Variants in LRP10 observed in about 807,000 individuals in gnomAD.
LRP10 encodes low-density lipoprotein receptor-related protein 10.
LRP10 carries 42 observed loss-of-function variants against 58.5 expected under a neutral mutation model. The observed-to-expected ratio is 0.72, with a 90% CI of 0.56 to 0.93. The LOEUF is 0.93. Among genes scored for constraint, LRP10 ranks in the 40% least tolerant of loss-of-function variants. The probability of loss-of-function intolerance (pLI) is 0.00; values close to 1 mark genes in which losing one functional copy is unlikely to be tolerated. For missense variants in LRP10, 872 were observed against 940.1 expected, an observed-to-expected ratio of 0.93 and a Z score of 0.95; for synonymous variants, 377 against 388.5, an observed-to-expected ratio of 0.97 and a Z score of 0.35.
Position 22,879,057 on chromosome 14 carries a change from G to T in LRP10, c.*1530G>T, listed in dbSNP as rs528681683. 22 of 388,340 alleles carry T rather than the reference G, an allele frequency of 5.7e-5. 1 individual carries two copies. Among genetic ancestry groups the T allele is most frequent in the South Asian group, 2.7e-4 (15 of 55,518 alleles). The allele number at this position is 388,340 out of a possible 1,614,324, so 24.1% of individuals were successfully genotyped here. ...TCCTTGTCTAGCCCCACACCTGGCAGAGCCTGTCACCCAGCCTAGCCCCAC... is the reference window on the plus strand; with the variant it reads ...TCCTTGTCTAGCCCCACACCTGGCATAGCCTGTCACCCAGCCTAGCCCCAC... On this transcript the variant is annotated 3_prime_UTR_variant, in exon 7 of 7. Transcript: ENST00000359591.
chr14:22,872,108 G>A lies in LRP10; in HGVS notation c.-196G>A. The A allele has an allele frequency of 1.6e-6, 1 of 613,674 alleles. No homozygotes were observed. Among genetic ancestry groups the A allele is most frequent in the Non-Finnish European group, 2.9e-6 (1 of 345,078 alleles). The allele number at this position is 613,674 out of a possible 1,614,324, so 38.0% of individuals were successfully genotyped here. On this transcript the variant is annotated 5_prime_UTR_variant, in exon 1 of 7. Transcript: ENST00000359591. ...AAAACAACTCCAAAGTTGGCGAAAG[G>A]CACCGCCCCTACTCCCGGGCTGCCG...
intron 1 of LRP10, 41 bp downstream of exon 1, chr14:22,872,378 C>T (rs559395516): frequency 6.2e-7 from 1 of 1,613,160 alleles, no homozygotes. Flanking sequence ...CTTCTGTCAC[C>T]GGGCCAGCAG....
In LRP10 at chr14:22,876,926, T is replaced by C. The variant is rs1480547035; in HGVS notation, c.1555-14T>C. 1 of 1,581,304 alleles carries C rather than the reference T, an allele frequency of 6.3e-7. No homozygotes were observed. Among genetic ancestry groups the C allele is most frequent in the South Asian group, 1.2e-5 (1 of 86,574 alleles). On this transcript the variant is annotated splice_polypyrimidine_tract_variant and intron_variant, in intron 6 of 6. Coordinates refer to ENST00000359591, the MANE Select transcript of LRP10 (RefSeq NM_014045.5). ...TTGGCCCTCTGACTCTGAGGCCTCC[T>C]CATTTCCTTGCAGAACTCAGTGCTG...
rs368991420 is a variant in LRP10 at position 22,875,524 on chromosome 14, C to T, written c.576C>T (p.Cys192=). 82 of 1,614,048 alleles carry T rather than the reference C, an allele frequency of 5.1e-5. No homozygotes were observed. Among genetic ancestry groups the T allele is most frequent in the Admixed American group, 1.7e-4 (10 of 60,002 alleles). Reference sequence around the variant, plus strand: ...CAAGACCCGTCCCCTCCCTGCCTTGCAATGTCACCTTGGAGGACTTCTATG... The same window carrying T: ...CAAGACCCGTCCCCTCCCTGCCTTGTAATGTCACCTTGGAGGACTTCTATG... ...LTPRPVPSLP[C]NVTLEDFYGV... Residue 192 remains cysteine, a synonymous_variant, in exon 5 of 7, where the codon TGC becomes TGT. Coordinates refer to ENST00000359591, the MANE Select transcript of LRP10 (RefSeq NM_014045.5).
intron 4 of LRP10, 33 bp from the exon 5 acceptor site, chr14:22,875,322 G>A: frequency 1.9e-6 from 3 of 1,594,436 alleles, no homozygotes; most frequent in Non-Finnish European, 2.6e-6. Flanking sequence ...GGGTTCTGGT[G>A]CTTCACAGCC....
chr14:22,875,168 G>A lies in LRP10; in HGVS notation c.329G>A (p.Gly110Asp), dbSNP rs751186891. The change falls in exon 4 of 7, where the codon GGC becomes GAC. Residue 110 changes from glycine (G) to aspartate (D), a missense_variant. Transcript: ENST00000359591. ...APPSPLQLPG[G>D]NVTITYSYAG... Reference sequence around the variant, plus strand: ...CCCAGCCCTCTGCAGCTGCCCGGGGGCAACGTCACCATCACTTACAGCTAT... The same window carrying A: ...CCCAGCCCTCTGCAGCTGCCCGGGGACAACGTCACCATCACTTACAGCTAT... 22 of 1,613,496 alleles carry A rather than the reference G, an allele frequency of 1.4e-5. No homozygotes were observed. Among genetic ancestry groups the A allele is most frequent in the Non-Finnish European group, 1.8e-5 (21 of 1,179,804 alleles).
In LRP10 at chr14:22,878,662, A is replaced by G. The variant is rs892997735; in HGVS notation, c.*1135A>G. 7 of 154,258 alleles carry G rather than the reference A, an allele frequency of 4.5e-5. No individual in the cohort carries two copies. Among genetic ancestry groups the G allele is most frequent in the African/African-American group, 1.7e-4 (7 of 41,488 alleles). The allele number at this position is 154,258 out of a possible 1,614,324, so 9.6% of individuals were successfully genotyped here. On this transcript the variant is annotated 3_prime_UTR_variant, in exon 7 of 7. Coordinates refer to ENST00000359591, the MANE Select transcript of LRP10 (RefSeq NM_014045.5). ...AGAGGTCTTCCTGGAAGAGGGCCCA[A>G]ACTGGAACCAAAAGAATGCTGTCAG...
intron 3 of LRP10, among the ~76,000 whole-genome samples, chr14:22,873,766 A>T (rs1332795771): frequency 2.0e-5 from 3 of 152,208 alleles, no homozygotes; most frequent in Middle Eastern, 3.4e-3. Context: ...ACCTCAAGTG[A>T]TCCACCCGCC....
At position 22,875,719 on chromosome 14, in the gene LRP10, G is replaced by C. The variant is rs774568492; in HGVS notation, c.771G>C (p.Glu257Asp). 5.0e-6 allele frequency: 8 copies of C among 1,613,876 alleles called. No homozygotes were observed. The South Asian group carries it at 7.7e-5, about 16-fold the overall frequency. The change falls in exon 5 of 7, where the codon GAG becomes GAC. Residue 257 changes from glutamate to aspartate, a missense_variant. By Grantham distance (45) the Glu-to-Asp change is conservative. Coordinates refer to ENST00000359591, the MANE Select transcript of LRP10 (RefSeq NM_014045.5). ...VHVYDGPGPP[E>D]SSRLLRSLTH... is the part of the protein sequence containing the mutation. ...TGTATGACGGCCCTGGGCCCCCTGA[G>C]AGCTCCCGACTACTGCGTAGTCTCA...
chr14:22,871,804 C>T lies in LRP10; in HGVS notation c.-500C>T. 5.4e-6 allele frequency: 1 copy of T among 183,896 alleles called. No homozygotes were observed. Among genetic ancestry groups the T allele is most frequent in the South Asian group, 8.2e-5 (1 of 12,210 alleles). The allele number at this position is 183,896 out of a possible 1,614,324, so 11.4% of individuals were successfully genotyped here. ...ACCGCCTGGGCAAGGGCCGGGGCGC[C>T]GGGCCGAGCCACCTCTTCCCCTCCC... On this transcript the variant is annotated 5_prime_UTR_variant, in exon 1 of 7. Coordinates refer to ENST00000359591, the MANE Select transcript of LRP10 (RefSeq NM_014045.5).
In LRP10 at chr14:22,875,938, CT is replaced by C. The variant is rs757274606; in HGVS notation, c.991del (p.Cys331AlafsTer120). 1.2e-6 allele frequency: 2 copies of C among 1,613,828 alleles called. No homozygotes were observed. The highest frequency in any genetic ancestry group is 1.7e-6 in the Non-Finnish European group (2 of 1,180,030). Reference sequence around the variant, plus strand: ...GAGCTGGCGAAGGCCTAGGTGAGCGCTGCTACAGTGAGGCACAGCGCTGTGA... The same window carrying C: ...GAGCTGGCGAAGGCCTAGGTGAGCGCGCTACAGTGAGGCACAGCGCTGTGA... ...LGAGEGLGER[C>X]YSEAQRCDGS... On this transcript the variant is annotated frameshift_variant, in exon 5 of 7. Coordinates refer to ENST00000359591, the MANE Select transcript of LRP10 (RefSeq NM_014045.5). LOFTEE classifies it high-confidence loss of function.
intron 1 of LRP10, 125 bp from the exon 2 acceptor site, chr14:22,872,613 G>A (rs1004805041): frequency 5.4e-5 from 47 of 870,924 alleles, no homozygotes; most frequent in Non-Finnish European, 8.1e-5. Context: ...GCCCTCTCCC[G>A]CCCCCCACTC....
Position 22,875,824 on chromosome 14 carries a change from G to A in LRP10, c.876G>A (p.Trp292Ter), listed in dbSNP as rs1256967934. Residue 292 changes from tryptophan (W) to a stop codon, truncating the protein, a stop_gained, in exon 5 of 7, where the codon TGG becomes TGA. Coordinates refer to ENST00000359591, the MANE Select transcript of LRP10 (RefSeq NM_014045.5). LOFTEE classifies it high-confidence loss of function. ...TTGTGTCCTACCACACAGTTGCTTG[G>A]AGCAATGGTCGTGGCTTCAATGCCA... ...QAVVSYHTVAWSNGRGFNATY... is the reference protein window; with the variant it reads ...QAVVSYHTVA The A allele has an allele frequency of 3.7e-6, 6 of 1,614,014 alleles. No individual in the cohort carries two copies. The highest frequency in any genetic ancestry group is 5.1e-6 in the Non-Finnish European group (6 of 1,180,026).
At position 22,876,087 on chromosome 14, in the gene LRP10, G is replaced by A. The variant is rs371692946; in HGVS notation, c.1139G>A (p.Arg380His). Residue 380 changes from arginine to histidine, a missense_variant, in exon 5 of 7, where the codon CGC becomes CAC. Arg to His is a conservative substitution (Grantham distance 29, BLOSUM62 0). Transcript: ENST00000359591. Reference protein sequence around the residue: ...GATACYLPADRCNYQTFCADG... With the variant: ...GATACYLPADHCNYQTFCADG... ...ACAGCCTGCTACCTGCCTGCTGACC[G>A]CTGCAACTACCAGACTTTCTGTGCT... 26 of 1,613,812 alleles carry A rather than the reference G, an allele frequency of 1.6e-5. No homozygotes were observed. The highest frequency in any genetic ancestry group is 3.3e-4 in the Middle Eastern group (2 of 6,082).
intron 3 of LRP10, among the ~76,000 whole-genome samples, chr14:22,873,785 C>T (rs569596958): frequency 7.9e-5 from 12 of 152,338 alleles, no homozygotes; most frequent in Non-Finnish European, 1.6e-4. Flanking sequence ...CCTGGGCCTC[C>T]CAAAGTGCTG....
rs2040004115 is a variant in LRP10, at chr14:22,876,199, G to A, written c.1251G>A (p.Val417=). ...RDEKCVYETW[V]CDGQPDCADG... ...AGAAGTGCGTGTATGAGACGTGGGT[G>A]TGCGATGGGCAGCCAGACTGTGCGG... Residue 417 remains valine, a synonymous_variant, in exon 5 of 7, where the codon GTG becomes GTA. Transcript: ENST00000359591. 1 of 1,614,106 alleles carries A rather than the reference G, an allele frequency of 6.2e-7. No individual in the cohort carries two copies. The highest frequency in any genetic ancestry group is 1.3e-5 in the African/African-American group (1 of 74,946).
rs1467556583 is a variant in LRP10, at chr14:22,871,857, G to A, written c.-447G>A. 1 of 181,732 alleles carries A rather than the reference G, an allele frequency of 5.5e-6. No homozygotes were observed. The highest frequency in any genetic ancestry group is 1.2e-5 in the Non-Finnish European group (1 of 85,572). The allele number at this position is 181,732 out of a possible 1,614,324, so 11.3% of individuals were successfully genotyped here. A position where few individuals can be genotyped will look rare whatever the true frequency, so the allele number is the denominator to read the frequency against. On this transcript the variant is annotated 5_prime_UTR_variant, in exon 1 of 7. Transcript: ENST00000359591. ...GCTTCCCTGTCGCGCTCCGCTGGCT[G>A]GACGCGCTGGAGGAGTGGAGCAGCA...
At position 22,877,394 on chromosome 14, in the gene LRP10, G is replaced by A; in HGVS notation, c.2009G>A (p.Gly670Glu). The A allele has an allele frequency of 1.2e-6, 2 of 1,613,722 alleles. No homozygotes were observed. Among genetic ancestry groups the A allele is most frequent in the Non-Finnish European group, 1.7e-6 (2 of 1,179,842 alleles). The stretch of plus-strand genomic sequence containing the variant: ...CTGTTGCCCAGCCTGGGGCCCCCAG[G>A]ACCAACCCGGAGCCCCCCTGGACCC... ...GRLLPSLGPPGPTRSPPGPHT... is the reference protein window; with the variant it reads ...GRLLPSLGPPEPTRSPPGPHT... Residue 670 changes from glycine (G) to glutamate (E), a missense_variant, in exon 7 of 7, where the codon GGA becomes GAA. Transcript: ENST00000359591. The surrounding 1 kb of genome is among the most constrained non-coding windows in gnomAD (Gnocchi z 5.1).
Position 22,877,228 on chromosome 14 carries a change from C to T in LRP10, c.1843C>T (p.Pro615Ser), listed in dbSNP as rs1169064645. ...TGGGCAAGATGGGGAGCAGGCACCC[C>T]CACTGCCCATCAAGGCTCCCCTCCC... Reference protein sequence around the residue: ...VGGQDGEQAPPLPIKAPLPSA... With the variant: ...VGGQDGEQAPSLPIKAPLPSA... The change falls in exon 7 of 7, where the codon CCA becomes TCA. Residue 615 changes from proline to serine, a missense_variant. Transcript: ENST00000359591. This position sits in a 1 kb window ranked among gnomAD's most constrained non-coding sequence, Gnocchi z 5.1. 4 of 1,604,086 alleles carry T rather than the reference C, an allele frequency of 2.5e-6. No homozygotes were observed. The South Asian group carries it at 4.5e-5, about 18-fold the overall frequency.
Sources: allele counts gnomAD v4.1 joint callset (sites outside exome capture counted in the v4.1 genomes callset), GRCh38; gene constraint gnomAD v4.1.1; non-coding constraint Gnocchi (gnomAD v3.1); transcripts MANE v1.5; gene names NCBI Gene and HGNC (gene_info 2026-07-23, HGNC 2026-07-21).